Variants in MAP4 observed in about 807,000 individuals in gnomAD.
MAP4 encodes microtubule-associated protein 4.
Under a neutral mutation model 170.2 loss-of-function variants are expected in MAP4, and 76 were observed. The ratio of observed to expected loss-of-function variants is 0.45; its 90% CI spans 0.37 to 0.54. The LOEUF (loss-of-function observed/expected upper bound fraction) is 0.54. MAP4 is among the 20% of genes least tolerant of loss of function. MAP4 has a pLI of 0.00. For synonymous variants in MAP4, 909 were observed against 994.5 expected (o/e 0.91, Z 1.62); for missense variants, 2,506 against 2,748.0 (o/e 0.91, Z 1.97).
intron 1 of MAP4, among the ~76,000 whole-genome samples, chr3:48,065,404 T>C (rs2100137856): frequency 6.6e-6 from 1 of 152,184 alleles, no homozygotes; most frequent in Non-Finnish European, 1.5e-5. Context: ...TCATGTGATT[T>C]GTATGCACAC....
chr3:47,944,198 TA>T (rs2100058263), intron 3 of MAP4, among the ~76,000 whole-genome samples: 1 of 151,896 alleles, frequency 6.6e-6, no homozygotes, highest in East Asian at 1.9e-4. Flanking sequence ...TAATCCCAGC[TA>T]ATCAGGAGGC....
In MAP4 at chr3:47,916,719, T is replaced by C. The variant is rs568847168; in HGVS notation, c.1108A>G (p.Met370Val). 1.2e-6 allele frequency: 2 copies of C among 1,614,198 alleles called. No individual in the cohort carries two copies. The highest frequency in any genetic ancestry group is 2.7e-5 in the African/African-American group (2 of 75,060). ...IKMDLAPSKD[M>V]GPPKENKKET... is the part of the protein sequence containing the mutation. ...TTCTTGTTTTCTTTGGGTGGTCCCA[T>C]GTCCTTGGAAGGGGCTAAGTCCATT... is the stretch of plus-strand genomic sequence containing the variant. Residue 370 changes from methionine to valine, a missense_variant, in exon 7 of 21, where the codon ATG becomes GTG. Met to Val is a conservative substitution (Grantham distance 21). Around this residue, in one of 3 missense-constraint regions of MAP4, gnomAD observed 2,008 missense variants for 2,206.0 expected, o/e 0.91. Transcript: ENST00000683076.
chr3:48,055,336 T>G (rs916056431), intron 1 of MAP4, among the ~76,000 whole-genome samples: 4 of 152,208 alleles, frequency 2.6e-5, no homozygotes, highest in Non-Finnish European at 5.9e-5. Flanking sequence ...TGCCTCAGTC[T>G]GCCGAATGCC....
chr3:48,027,081 A>C (rs571987584), intron 1 of MAP4, among the ~76,000 whole-genome samples: 44 of 152,350 alleles, frequency 2.9e-4, no homozygotes, highest in African/African-American at 1.1e-3. Context: ...AGCCTAGAAA[A>C]AAGTGTATCT....
intron 1 of MAP4, among the ~76,000 whole-genome samples, chr3:48,056,777 G>A (rs1351784134): frequency 5.9e-4 from 30 of 50,700 alleles, no homozygotes; most frequent in South Asian, 8.9e-4. Flanking sequence ...CAGCCGCCCC[G>A]TCCGGGAGGG....
chr3:47,862,310 A>C (rs1190925385), intron 17 of MAP4, among the ~76,000 whole-genome samples: 1 of 135,564 alleles, frequency 7.4e-6, no homozygotes, highest in Non-Finnish European at 1.6e-5. Context: ...AATGTGTTAT[A>C]GTTTCATGCC....
intron 3 of MAP4, 55 bp from the exon 4 acceptor site, chr3:47,928,405 C>A: frequency 6.4e-7 from 1 of 1,565,040 alleles, no homozygotes; most frequent in Non-Finnish European, 8.8e-7. Flanking sequence ...TTCTCCTCCA[C>A]TACAGTGGAA....
At chr3:47,866,007 A>C (rs1428701230) in intron 17 of MAP4, among the ~76,000 whole-genome samples, 2 of 152,198 alleles carry the variant, frequency 1.3e-5, no homozygotes, top group African/African-American at 4.8e-5. Flanking sequence ...AGACAAAAAG[A>C]AGGATGTTTG....
chr3:47,853,357 A>G lies in MAP4; in HGVS notation c.6697-5T>C. 1 of 1,598,508 alleles carries G rather than the reference A, an allele frequency of 6.3e-7. No individual in the cohort carries two copies. The highest frequency in any genetic ancestry group is 1.3e-5 in the African/African-American group (1 of 74,750). On this transcript the variant is annotated splice_polypyrimidine_tract_variant and splice_region_variant and intron_variant, in intron 19 of 20. Coordinates refer to ENST00000683076, the MANE Select transcript of MAP4 (RefSeq NM_001385682.1). ...CTCGCTGCCACCGCCCTCAGTCTACAATGAAACAGTGGGGGAGACAGTGCA... is the reference window on the plus strand; with the variant it reads ...CTCGCTGCCACCGCCCTCAGTCTACGATGAAACAGTGGGGGAGACAGTGCA...
intron 1 of MAP4, among the ~76,000 whole-genome samples, chr3:48,039,058 C>T (rs1461999650): frequency 6.6e-6 from 1 of 151,904 alleles, no homozygotes. Flanking sequence ...GAGCCGAGAT[C>T]ATACCACTGC....
intron 1 of MAP4, among the ~76,000 whole-genome samples, chr3:48,066,462 C>T (rs537208017): frequency 1.3e-5 from 2 of 152,076 alleles, no homozygotes; most frequent in Admixed American, 1.3e-4. Context: ...GTTCCACATC[C>T]TTGGATTCAG....
At chr3:48,023,563 C>G (rs2100111597) in intron 1 of MAP4, among the ~76,000 whole-genome samples, 1 of 152,188 alleles carries the variant, frequency 6.6e-6, no homozygotes, top group Non-Finnish European at 1.5e-5. Flanking sequence ...GAATGTGTTT[C>G]TCTATTGGTC....
chr3:47,930,242 G>A (rs1461791130), intron 3 of MAP4, among the ~76,000 whole-genome samples: 2 of 150,980 alleles, frequency 1.3e-5, no homozygotes, highest in African/African-American at 4.9e-5. Flanking sequence ...TCAGGAGATC[G>A]AGACCATCCT....
exon 1 of MAP4, chr3:48,088,824 G>C (rs1052997211): frequency 6.6e-6 from 1 of 152,562 alleles, no homozygotes; most frequent in East Asian, 1.9e-4. Flanking sequence ...AGAGCGCCGG[G>C]AAGAGCCGTG....
chr3:48,062,139 T>C (rs2100135920), intron 1 of MAP4, among the ~76,000 whole-genome samples: 1 of 152,038 alleles, frequency 6.6e-6, no homozygotes, highest in African/African-American at 2.4e-5. Context: ...GAGACTCCAT[T>C]TTGTTCTGTA....
At chr3:47,888,933 G>C (rs1373934991) in intron 10 of MAP4, among the ~76,000 whole-genome samples, 1 of 152,200 alleles carries the variant, frequency 6.6e-6, no homozygotes, top group Non-Finnish European at 1.5e-5. Context: ...ACTGGACCAA[G>C]CTGAGCCAAT....
At chr3:48,033,460 C>T (rs538807783) in intron 1 of MAP4, among the ~76,000 whole-genome samples, 12 of 152,236 alleles carry the variant, frequency 7.9e-5, no homozygotes, top group Admixed American at 5.2e-4. Flanking sequence ...TTTGTACAAA[C>T]AGAAAAGTAT....
At chr3:47,995,754 AT>A (rs765894058) in intron 2 of MAP4, among the ~76,000 whole-genome samples, 1 of 152,192 alleles carries the variant, frequency 6.6e-6, no homozygotes, top group Non-Finnish European at 1.5e-5. Context: ...AAAAACTTGA[AT>A]TAATTGGAAA....
upstream of MAP4, among the ~76,000 whole-genome samples, chr3:48,020,885 A>G (rs2100110218): frequency 6.6e-6 from 1 of 151,828 alleles, no homozygotes; most frequent in Non-Finnish European, 1.5e-5. Flanking sequence ...TACAGCTTCA[A>G]GCTCCTGGGC....
Sources: gnomAD v4.1 joint callset for allele counts (sites outside exome capture counted in the v4.1 genomes callset) on GRCh38, gnomAD v4.1.1 for gene constraint, gnomAD v4.1.1 regional missense constraint, MANE v1.5 for transcripts, NCBI Gene and HGNC (gene_info 2026-07-23, HGNC 2026-07-21) for gene names.